Variants in PTCHD1 observed in about 807,000 individuals in gnomAD.
The protein encoded by PTCHD1 is patched domain containing 1.
In PTCHD1, 3 loss-of-function variants were observed where a neutral mutation model predicts 34.6. That is an observed-to-expected ratio of 0.09 (90% CI 0.04 to 0.22). The LOEUF is 0.22. Among genes scored for constraint, PTCHD1 ranks in the 10% least tolerant of loss-of-function variants. The pLI is 1.00. For missense variants in PTCHD1, 504 were observed against 685.5 expected (o/e 0.74, Z 2.96); for synonymous variants, 305 against 283.1 (o/e 1.08, Z -0.77).
intron 1 of PTCHD1, among the ~76,000 whole-genome samples, chrX:23,354,719 C>T (rs1479733333): frequency 9.3e-6 from 1 of 108,026 alleles, no homozygotes; most frequent in African/African-American, 3.4e-5. Context: ...ACTACAGGCG[C>T]CTGCCACCAC....
intron 2 of PTCHD1, among the ~76,000 whole-genome samples, chrX:23,390,048 CTTATTG>C (rs1187631926): frequency 2.3e-4 from 26 of 111,761 alleles, no homozygotes; most frequent in African/African-American, 7.8e-4. Context: ...GAAATTGATT[CTTATTG>C]TATTTTCCAA....
chrX:23,336,135 G>A (rs1921164514), intron 1 of PTCHD1, among the ~76,000 whole-genome samples: 1 of 111,537 alleles, frequency 9.0e-6, no homozygotes, highest in South Asian at 3.8e-4. Flanking sequence ...GTGGGAATTT[G>A]ATGTGGAAAG....
intron 1 of PTCHD1, among the ~76,000 whole-genome samples, chrX:23,373,366 G>T (rs1299126323): frequency 8.9e-6 from 1 of 112,838 alleles, no homozygotes; most frequent in African/African-American, 3.2e-5. Flanking sequence ...GTAACCATTT[G>T]TCTTTTGTCA....
Position 23,396,374 on chromosome X carries a change from C to T in PTCHD1, c.*2189C>T, listed in dbSNP as rs1227696234. ...GCATAATAGATCTTCGATCAATTCTCTCTCCAAGGGGCCCGCAACTAGGCT... is the reference window on the plus strand; with the variant it reads ...GCATAATAGATCTTCGATCAATTCTTTCTCCAAGGGGCCCGCAACTAGGCT... On this transcript the variant is annotated 3_prime_UTR_variant, in exon 3 of 3. Transcript: ENST00000379361. 1 of 112,199 alleles carries T rather than the reference C, an allele frequency of 8.9e-6. No homozygotes were observed. The highest frequency in any genetic ancestry group is 3.2e-5 in the African/African-American group (1 of 30,850). The allele number at this position is 112,199 out of a possible 1,213,427, so 9.2% of individuals were successfully genotyped here.
chrX:23,354,812 C>T (rs1420387493), intron 1 of PTCHD1, among the ~76,000 whole-genome samples: 1 of 109,154 alleles, frequency 9.2e-6, no homozygotes, highest in Non-Finnish European at 1.9e-5. Flanking sequence ...ACCTCGTGAT[C>T]ACCCCGCCTC....
rs1328226618 is a variant in PTCHD1 at position 23,402,577 on chromosome X, A to G, written c.*8392A>G. ...GAGACCCCATATTCTCTTTTGAATTATTGACCTATAATTCCTCTTCAGCAG... is the reference window on the plus strand; with the variant it reads ...GAGACCCCATATTCTCTTTTGAATTGTTGACCTATAATTCCTCTTCAGCAG... On this transcript the variant is annotated 3_prime_UTR_variant, in exon 3 of 3. Coordinates refer to ENST00000379361, the MANE Select transcript of PTCHD1 (RefSeq NM_173495.3). 8.9e-6 allele frequency: 1 copy of G among 112,083 alleles called. No individual in the cohort carries two copies. The highest frequency in any genetic ancestry group is 1.9e-5 in the Non-Finnish European group (1 of 53,217). The allele number at this position is 112,083 out of a possible 1,213,427, so 9.2% of individuals were successfully genotyped here. A position where few individuals can be genotyped will look rare whatever the true frequency, so the allele number is the denominator to read the frequency against.
intron 1 of PTCHD1, among the ~76,000 whole-genome samples, chrX:23,349,596 G>A (rs1921570691): frequency 9.0e-6 from 1 of 111,318 alleles, no homozygotes; most frequent in South Asian, 3.8e-4. Context: ...ATTATAAAGG[G>A]ATCAATTCTC....
Position 23,379,705 on chromosome X carries a change from G to C in PTCHD1, c.466G>C (p.Val156Leu), listed in dbSNP as rs199597484. ...KTCIVDDIVH[V>L]LEELKNARAT... The stretch of plus-strand genomic sequence containing the variant: ...TTGCATCGTGGATGACATAGTGCAC[G>C]TCCTGGAAGAGCTAAAGAATGCTCG... The change falls in exon 2 of 3, where the codon GTC (valine) becomes CTC (leucine). Residue 156 changes from valine (V) to leucine (L), a missense_variant. By Grantham distance (32) the Val-to-Leu change is conservative. Transcript: ENST00000379361. The C allele has an allele frequency of 6.6e-6, 8 of 1,211,154 alleles. No individual in the cohort carries two copies. Among genetic ancestry groups the C allele is most frequent in the Non-Finnish European group, 8.9e-6 (8 of 895,355 alleles).
chrX:23,350,060 TAAAAAA>T (rs57194123), intron 1 of PTCHD1, among the ~76,000 whole-genome samples: 5,610 of 40,245 alleles, frequency 0.14, 348 homozygotes, highest in East Asian at 0.41. Flanking sequence ...TTAGTGCTGT[TAAAAAA>T]AAAAAAAAAA....
chrX:23,378,721 G>A (rs1403673964), intron 1 of PTCHD1, among the ~76,000 whole-genome samples: 1 of 112,207 alleles, frequency 8.9e-6, no homozygotes, highest in Non-Finnish European at 1.9e-5. Flanking sequence ...GTAATTTGCT[G>A]CAAGGATTAA....
At chrX:23,348,624 G>C (rs1255158125) in intron 1 of PTCHD1, among the ~76,000 whole-genome samples, 1 of 110,583 alleles carries the variant, frequency 9.0e-6, no homozygotes, top group Non-Finnish European at 1.9e-5. Flanking sequence ...AAAACTGCAA[G>C]AAGAGAATGA....
chrX:23,379,698 A>G lies in PTCHD1; in HGVS notation c.459A>G (p.Ile153Met). 8.3e-7 allele frequency: 1 copy of G among 1,211,104 alleles called. No homozygotes were observed. The highest frequency in any genetic ancestry group is 1.1e-6 in the Non-Finnish European group (1 of 895,116). ...ATAAGACTTGCATCGTGGATGACAT[A>G]GTGCACGTCCTGGAAGAGCTAAAGA... ...NNDKTCIVDD[I>M]VHVLEELKNA... Residue 153 changes from isoleucine (I) to methionine (M), a missense_variant, in exon 2 of 3, where the codon ATA becomes ATG. Coordinates refer to ENST00000379361, the MANE Select transcript of PTCHD1 (RefSeq NM_173495.3).
At position 23,400,079 on chromosome X, in the gene PTCHD1, T is replaced by G. The variant is rs182781521; in HGVS notation, c.*5894T>G. On this transcript the variant is annotated 3_prime_UTR_variant, in exon 3 of 3. Coordinates refer to ENST00000379361, the MANE Select transcript of PTCHD1 (RefSeq NM_173495.3). ...TACACCAGGCATGCTTTCACACACG[T>G]GCAGTACCCTACTCTCAAAACAAGT... 1.1e-5 allele frequency: 1 copy of G among 89,929 alleles called. No individual in the cohort carries two copies. Among genetic ancestry groups the G allele is most frequent in the African/African-American group, 4.2e-5 (1 of 23,790 alleles). The allele number at this position is 89,929 out of a possible 1,213,427, so 7.4% of individuals were successfully genotyped here.
intron 1 of PTCHD1, among the ~76,000 whole-genome samples, chrX:23,358,713 G>A (rs1258257165): frequency 8.9e-6 from 1 of 112,129 alleles, no homozygotes; most frequent in Non-Finnish European, 1.9e-5. Context: ...AAGTCATGAA[G>A]TCCTTGCCCA....
chrX:23,370,930 C>G (rs1175550618), intron 1 of PTCHD1, among the ~76,000 whole-genome samples: 4 of 111,182 alleles, frequency 3.6e-5, no homozygotes, highest in Non-Finnish European at 1.9e-5. Context: ...ACCAAACTGT[C>G]TCTTGGAAAC....
intron 1 of PTCHD1, among the ~76,000 whole-genome samples, chrX:23,358,710 G>A (rs1351607724): frequency 8.9e-6 from 1 of 112,201 alleles, no homozygotes; most frequent in East Asian, 2.8e-4. Context: ...TTTAAGTCAT[G>A]AAGTCCTTGC....
chrX:23,337,238 T>G (rs756687800), intron 1 of PTCHD1, among the ~76,000 whole-genome samples: 1 of 112,142 alleles, frequency 8.9e-6, no homozygotes, highest in Admixed American at 9.4e-5. Context: ...TTTTAAGAAC[T>G]GGGATGGTTT....
In PTCHD1 at chrX:23,371,457, G is replaced by A. The variant is rs906875185; in HGVS notation, c.352-8134G>A. Among the ~76,000 whole-genome samples, 9 of 111,998 alleles carry A rather than the reference G, an allele frequency of 8.0e-5. No homozygotes were observed. The Admixed American group carries it at 8.5e-4, about 11-fold the overall frequency. On this transcript the variant is annotated intron_variant, in intron 1 of 2. Coordinates refer to ENST00000379361, the MANE Select transcript of PTCHD1 (RefSeq NM_173495.3). ...TGGGAAACAGTGAGGAACACATGTT[G>A]TAGGGTTATCCCATTTAGGAGGACA... is the stretch of plus-strand genomic sequence containing the variant.
chrX:23,371,967 G>A (rs1922289036), intron 1 of PTCHD1, among the ~76,000 whole-genome samples: 1 of 111,239 alleles, frequency 9.0e-6, no homozygotes, highest in African/African-American at 3.3e-5. Flanking sequence ...TTATATTCAT[G>A]TGTTTACTTC....
Sources: gnomAD v4.1 joint callset for allele counts (sites outside exome capture counted in the v4.1 genomes callset) on GRCh38, gnomAD v4.1.1 for gene constraint, MANE v1.5 for transcripts, NCBI Gene and HGNC (gene_info 2026-07-23, HGNC 2026-07-21) for gene names.